The following CDC73 variants were observed in gnomAD, a reference collection of about 807,000 sequenced individuals.
CDC73 encodes parafibromin.
Under a neutral mutation model 83.7 loss-of-function variants are expected in CDC73, and 21 were observed. The observed-to-expected ratio is 0.25, with a 90% CI of 0.18 to 0.36. The LOEUF is 0.36. Ranked by LOEUF, CDC73 falls within the 10% of genes least tolerant of loss-of-function variation. The pLI is 1.00. For missense variants in CDC73, 342 were observed against 653.3 expected (o/e 0.52, Z 5.19); for synonymous variants, 224 against 212.9 (o/e 1.05, Z -0.45).
Position 193,122,276 on chromosome 1 carries a change from A to G in CDC73, c.76A>G (p.Ile26Val), listed in dbSNP as rs1675465327. Residue 26 changes from isoleucine to valine, a missense_variant, in exon 1 of 17, where the codon ATC (isoleucine) becomes GTC (valine). Transcript: ENST00000367435. ...GATTGTGGTGAAGGGAGACGAAGTG[A>G]TCTTCGGGGAGTTCTCCTGGCCCAA... ...KEIVVKGDEV[I>V]FGEFSWPKNV... 6.2e-7 allele frequency: 1 copy of G among 1,614,030 alleles called. No homozygotes were observed. Among genetic ancestry groups the G allele is most frequent in the Non-Finnish European group, 8.5e-7 (1 of 1,179,878 alleles).
chr1:193,207,226 A>G (rs958977104), intron 11 of CDC73, among the ~76,000 whole-genome samples: 2 of 152,166 alleles, frequency 1.3e-5, no homozygotes, highest in Non-Finnish European at 2.9e-5. Flanking sequence ...TAAAAGGGGT[A>G]TACGAACAGG....
In CDC73 at chr1:193,251,311, T is replaced by G. The variant is rs540968381; in HGVS notation, c.*599T>G. The G allele has an allele frequency of 1.7e-5, 4 of 232,082 alleles. No individual in the cohort carries two copies. In the East Asian group the frequency reaches 2.4e-4, roughly 14 times the overall value. The allele number at this position is 232,082 out of a possible 1,614,324, so 14.4% of individuals were successfully genotyped here. On this transcript the variant is annotated 3_prime_UTR_variant, in exon 17 of 17. Coordinates refer to ENST00000367435, the MANE Select transcript of CDC73 (RefSeq NM_024529.5). ...TTCTTTATTTACAAATGATTACATT[T>G]AAATGAATGTACATTCTTCTCACTG...
intron 13 of CDC73, among the ~76,000 whole-genome samples, chr1:193,223,731 A>C (rs1394603734): frequency 6.6e-6 from 1 of 152,120 alleles, no homozygotes; most frequent in Non-Finnish European, 1.5e-5. Context: ...TTGGTTTGCA[A>C]ATCCAATGAA....
intron 14 of CDC73, among the ~76,000 whole-genome samples, chr1:193,235,404 G>T (rs368421361): frequency 3.5e-4 from 53 of 152,182 alleles, no homozygotes; most frequent in African/African-American, 1.0e-3. Flanking sequence ...CATAAGTAAC[G>T]CATAAAGTCC....
intron 5 of CDC73, among the ~76,000 whole-genome samples, chr1:193,137,239 A>T (rs903556833): frequency 1.3e-5 from 2 of 152,186 alleles, no homozygotes; most frequent in African/African-American, 2.4e-5. Context: ...TTGCCAAAAT[A>T]TTTTTGCATT....
Position 193,233,031 on chromosome 1 carries a change from A to G in CDC73, c.1193A>G (p.Gln398Arg), listed in dbSNP as rs878855088. The stretch of plus-strand genomic sequence containing the variant: ...GATGAAAAGAAGAAACAAGGTTGTC[A>G]ACGAGAAAATGAAACTCTAATACAA... ...PSDEKKKQGC[Q>R]RENETLIQRR... The change falls in exon 14 of 17, where the codon CAA becomes CGA. Residue 398 changes from glutamine to arginine, a missense_variant. Gln to Arg is a conservative substitution (Grantham distance 43). Around this residue, in one of 3 missense-constraint regions of CDC73, gnomAD observed 239 missense variants for 420.6 expected, o/e 0.57. Coordinates refer to ENST00000367435, the MANE Select transcript of CDC73 (RefSeq NM_024529.5). 1 of 1,614,036 alleles carries G rather than the reference A, an allele frequency of 6.2e-7. No homozygotes were observed. The highest frequency in any genetic ancestry group is 8.5e-7 in the Non-Finnish European group (1 of 1,179,852).
At chr1:193,238,999 T>C (rs1183106700) in intron 15 of CDC73, among the ~76,000 whole-genome samples, 1 of 152,158 alleles carries the variant, frequency 6.6e-6, no homozygotes, top group Non-Finnish European at 1.5e-5. Flanking sequence ...CTATTTCTCT[T>C]CTCCCATAAT....
At chr1:193,163,888 C>T (rs1254825187) in intron 10 of CDC73, among the ~76,000 whole-genome samples, 1 of 152,104 alleles carries the variant, frequency 6.6e-6, no homozygotes, top group Admixed American at 6.5e-5. Flanking sequence ...AAGCTGTTCT[C>T]CTGCCTCAGT....
chr1:193,183,983 T>C (rs1415222383), intron 10 of CDC73, among the ~76,000 whole-genome samples: 6 of 151,900 alleles, frequency 3.9e-5, no homozygotes, highest in Non-Finnish European at 7.4e-5. Context: ...ATGTTGCTTT[T>C]ATAAGAACAA....
intron 10 of CDC73, among the ~76,000 whole-genome samples, chr1:193,160,266 A>C (rs1223159951): frequency 6.6e-6 from 1 of 152,152 alleles, no homozygotes. Flanking sequence ...AAGAAAGAAA[A>C]GTTATTGTTG....
In CDC73 at chr1:193,204,289, T is replaced by TA. The variant is rs1558310095; in HGVS notation, c.1030+437_1030+438insA. Among the ~76,000 whole-genome samples the TA allele has an allele frequency of 2.5e-5, 3 of 117,910 alleles. No homozygotes were observed. The East Asian group carries it at 7.0e-4, about 28-fold the overall frequency. The allele number at this position is 117,910 out of a possible 152,430, so 77.4% of individuals were successfully genotyped here. The stretch of plus-strand genomic sequence containing the variant: ...TGTGTGTGTGTGTGTATATATATAT[T>TA]TTTTTTTTTTCTTTTTTTGAGACAG... On this transcript the variant is annotated intron_variant, in intron 11 of 16. Transcript: ENST00000367435.
intron 11 of CDC73, among the ~76,000 whole-genome samples, chr1:193,211,080 A>C (rs979050402): frequency 6.6e-6 from 1 of 152,162 alleles, no homozygotes; most frequent in East Asian, 1.9e-4. Flanking sequence ...CTAGACCTGA[A>C]CATCCATGAA....
rs376836026 is a variant in CDC73, at chr1:193,203,882, T to G, written c.1030+30T>G. On this transcript the variant is annotated intron_variant, in intron 11 of 16. Transcript: ENST00000367435. ...AAATATAGAACTTTGCTTTTTGTTT[T>G]CTTTCAAAAGATCGTAACAGTGCAA... The G allele has an allele frequency of 7.8e-5, 124 of 1,599,450 alleles. No homozygotes were observed. The African/African-American group carries it at 1.4e-3, about 18-fold the overall frequency.
intron 10 of CDC73, among the ~76,000 whole-genome samples, chr1:193,160,632 A>G (rs1042576224): frequency 2.6e-4 from 40 of 152,114 alleles, no homozygotes; most frequent in African/African-American, 9.6e-4. Flanking sequence ...AGTGTTAAAC[A>G]TATTTTATAA....
intron 1 of CDC73, among the ~76,000 whole-genome samples, chr1:193,124,304 T>C (rs1675524465): frequency 6.6e-6 from 1 of 152,266 alleles, no homozygotes; most frequent in South Asian, 2.1e-4. Flanking sequence ...TGTTCTTTTC[T>C]ATTCTGAAAA....
At chr1:193,145,018 A>G (rs951878507) in intron 7 of CDC73, among the ~76,000 whole-genome samples, 1 of 152,202 alleles carries the variant, frequency 6.6e-6, no homozygotes, top group Non-Finnish European at 1.5e-5. Context: ...TCTAATTCTT[A>G]AAGTCTTCTA....
intron 10 of CDC73, among the ~76,000 whole-genome samples, chr1:193,162,518 G>A (rs765220907): frequency 2.6e-5 from 4 of 151,030 alleles, no homozygotes; most frequent in East Asian, 1.9e-4. Context: ...GACTACAGGC[G>A]TGCACCACCA....
chr1:193,175,659 A>G (rs1536097), intron 10 of CDC73, among the ~76,000 whole-genome samples: 110,108 of 152,072 alleles, frequency 0.72, 40,133 homozygotes, highest in South Asian at 0.82. Context: ...ATAGCATTTA[A>G]ATTGTATTAG....
chr1:193,138,197 A>T (rs749240519), intron 6 of CDC73, 24 bp downstream of exon 6: 32 of 1,439,054 alleles, frequency 2.2e-5, no homozygotes, highest in Non-Finnish European at 3.0e-5. Context: ...TTAAGTAGAA[A>T]GTAGGTAGTT....
Sources: gnomAD v4.1 joint callset for allele counts (sites outside exome capture counted in the v4.1 genomes callset) on GRCh38, gnomAD v4.1.1 for gene constraint, gnomAD v4.1.1 regional missense constraint, MANE v1.5 for transcripts, NCBI Gene and HGNC (gene_info 2026-07-23, HGNC 2026-07-21) for gene names.